The following ZNF804B variants were observed in gnomAD, a reference collection of about 807,000 sequenced individuals.
The protein encoded by ZNF804B is zinc finger 804B.
A neutral mutation model predicts 101.4 loss-of-function variants in ZNF804B; 80 were observed. The ratio of observed to expected loss-of-function variants is 0.79; its 90% confidence interval spans 0.66 to 0.95. The LOEUF is 0.95. Among genes scored for constraint, ZNF804B ranks in the 40% least tolerant of loss-of-function variants. ZNF804B has a pLI of 0.00. For missense variants in ZNF804B, 1,673 were observed against 1,561.9 expected, an observed-to-expected ratio of 1.07 and a Z score of -1.20; for synonymous variants, 622 against 558.8, an observed-to-expected ratio of 1.11 and a Z score of -1.59.
intron 1 of ZNF804B, among the ~76,000 whole-genome samples, chr7:88,817,390 A>T (rs59190441): frequency 0.052 from 7,909 of 151,704 alleles, 325 homozygotes; most frequent in East Asian, 0.25. Flanking sequence ...TAAAAAAATT[A>T]AAAAAAAATT....
intron 1 of ZNF804B, among the ~76,000 whole-genome samples, chr7:88,847,491 G>T (rs1791392866): frequency 6.6e-6 from 1 of 151,908 alleles, no homozygotes; most frequent in African/African-American, 2.4e-5. Flanking sequence ...TAAAATAAAA[G>T]GAAATTTTTA....
At chr7:89,064,839 T>G (rs976780766) in intron 1 of ZNF804B, among the ~76,000 whole-genome samples, 8 of 152,154 alleles carry the variant, frequency 5.3e-5, no homozygotes, top group Admixed American at 4.6e-4. Flanking sequence ...AATTCGATTG[T>G]CTGGTGGACA....
chr7:88,948,971 A>C (rs1009947455), intron 1 of ZNF804B, among the ~76,000 whole-genome samples: 1 of 151,822 alleles, frequency 6.6e-6, no homozygotes, highest in South Asian at 2.1e-4. Context: ...TTTATTTTTT[A>C]AAATTAATTT....
At chr7:88,979,113 CT>C (rs1415347756) in intron 1 of ZNF804B, among the ~76,000 whole-genome samples, 2 of 151,788 alleles carry the variant, frequency 1.3e-5, no homozygotes, top group East Asian at 3.9e-4. Context: ...TTTATTGGTT[CT>C]ATTTATATTA....
intron 1 of ZNF804B, among the ~76,000 whole-genome samples, chr7:89,173,588 T>C (rs1263797147): frequency 2.0e-5 from 3 of 152,190 alleles, no homozygotes; most frequent in Non-Finnish European, 2.9e-5. Context: ...TAAAATAGAA[T>C]ACTGTATCAG....
intron 1 of ZNF804B, among the ~76,000 whole-genome samples, chr7:88,829,527 A>G (rs181169646): frequency 1.2e-4 from 18 of 152,252 alleles, no homozygotes; most frequent in African/African-American, 4.1e-4. Flanking sequence ...CCAGAATTTG[A>G]CATTAAACTT....
intron 1 of ZNF804B, among the ~76,000 whole-genome samples, chr7:88,764,343 G>T (rs555338259): frequency 6.6e-6 from 1 of 152,086 alleles, no homozygotes; most frequent in Non-Finnish European, 1.5e-5. Context: ...AGACATCCTG[G>T]AATATCTTTT....
At position 89,333,498 on chromosome 7, in the gene ZNF804B, T is replaced by C. The variant is rs1334917703; in HGVS notation, c.516T>C (p.Asn172=). Residue 172 remains asparagine (N), a synonymous_variant, in exon 4 of 4, where the codon AAT becomes AAC. Coordinates refer to ENST00000333190, the MANE Select transcript of ZNF804B (RefSeq NM_181646.5). The part of the protein sequence containing the change: ...MKSALLLKGK[N]LPRIISDKQR... Reference sequence around the variant, plus strand: ...GTGCTCTTCTCCTTAAAGGAAAAAATCTCCCCAGAATCATATCCGATAAAC... The same window carrying C: ...GTGCTCTTCTCCTTAAAGGAAAAAACCTCCCCAGAATCATATCCGATAAAC... The C allele has an allele frequency of 1.2e-6, 2 of 1,612,828 alleles. No homozygotes were observed. Among genetic ancestry groups the C allele is most frequent in the East Asian group, 4.5e-5 (2 of 44,812 alleles).
chr7:89,274,791 T>A lies in ZNF804B; in HGVS notation c.250-52553T>A, dbSNP rs377625002. Among the ~76,000 whole-genome samples the A allele has an allele frequency of 4.3e-4, 66 of 151,990 alleles. 4 individuals carry two copies. The highest frequency in any genetic ancestry group is 1.5e-3 in the African/African-American group (60 of 41,312). ...CATTTACTTATTCAGGTTTCCCTTG[T>A]AGGACATCACTCTACCCTGACTTTC... On this transcript the variant is annotated intron_variant, in intron 2 of 3. Coordinates refer to ENST00000333190, the MANE Select transcript of ZNF804B (RefSeq NM_181646.5).
intron 1 of ZNF804B, among the ~76,000 whole-genome samples, chr7:89,013,091 C>A (rs561575705): frequency 6.6e-6 from 1 of 152,082 alleles, no homozygotes; most frequent in East Asian, 1.9e-4. Flanking sequence ...GGGGAACCGC[C>A]CCCAAGATCC....
chr7:89,286,831 AT>A (rs1031725493), intron 2 of ZNF804B, among the ~76,000 whole-genome samples: 56 of 152,306 alleles, frequency 3.7e-4, no homozygotes, highest in Non-Finnish European at 3.8e-4. Context: ...AAATAAAAAT[AT>A]TTTTTAGAGC....
At chr7:89,267,984 A>G (rs900616736) in intron 2 of ZNF804B, among the ~76,000 whole-genome samples, 2 of 152,070 alleles carry the variant, frequency 1.3e-5, no homozygotes, top group Non-Finnish European at 2.9e-5. Context: ...ATTTAATTAT[A>G]TCTTTTCTGG....
chr7:88,900,160 T>C (rs1441034939), intron 1 of ZNF804B, among the ~76,000 whole-genome samples: 1 of 152,114 alleles, frequency 6.6e-6, no homozygotes, highest in Admixed American at 6.6e-5. Flanking sequence ...ACTTTATGTA[T>C]ACAGATTTAG....
At position 88,819,289 on chromosome 7, in the gene ZNF804B, ATT is replaced by A. The variant is rs5885638; in HGVS notation, c.108+59214_108+59215del. Among the ~76,000 whole-genome samples the A allele has an allele frequency of 8.7e-5, 13 of 149,938 alleles. No homozygotes were observed. In the South Asian group the frequency reaches 1.3e-3, roughly 15 times the overall value. The stretch of plus-strand genomic sequence containing the variant: ...CTGGTGCATGCCTCCACACCTGGCT[ATT>A]TTTTTTTTCTTGTATTTTTAGTAGA... On this transcript the variant is annotated intron_variant, in intron 1 of 3. Transcript: ENST00000333190.
At chr7:89,104,782 T>C (rs1790110781) in intron 1 of ZNF804B, among the ~76,000 whole-genome samples, 1 of 152,086 alleles carries the variant, frequency 6.6e-6, no homozygotes. Flanking sequence ...AATGTTTTTA[T>C]TAATATTTGT....
intron 2 of ZNF804B, among the ~76,000 whole-genome samples, chr7:89,286,329 A>G (rs35128993): frequency 0.12 from 18,553 of 152,220 alleles, 1,213 homozygotes; most frequent in Middle Eastern, 0.26. Context: ...AACAGTATGA[A>G]AGATAAACCT....
At chr7:89,267,602 CCAGG>C (rs561028973) in intron 2 of ZNF804B, among the ~76,000 whole-genome samples, 59 of 152,180 alleles carry the variant, frequency 3.9e-4, no homozygotes, top group African/African-American at 1.3e-3. Flanking sequence ...ATCCTACAAG[CCAGG>C]CATTGCAGAA....
intron 1 of ZNF804B, among the ~76,000 whole-genome samples, chr7:89,042,007 A>G (rs998005554): frequency 2.0e-5 from 3 of 152,186 alleles, no homozygotes; most frequent in Admixed American, 2.0e-4. Flanking sequence ...AAAATAAACT[A>G]TTCCTACCAG....
At chr7:88,875,011 A>G (rs1791905576) in intron 1 of ZNF804B, among the ~76,000 whole-genome samples, 1 of 129,650 alleles carries the variant, frequency 7.7e-6, no homozygotes, top group African/African-American at 3.3e-5. Context: ...AATCTCACTC[A>G]AAACCGCTCA....
Sources: allele counts gnomAD v4.1 joint callset (sites outside exome capture counted in the v4.1 genomes callset), GRCh38; gene constraint gnomAD v4.1.1; transcripts MANE v1.5; gene names NCBI Gene and HGNC (gene_info 2026-07-23, HGNC 2026-07-21).